The following LRRFIP1 variants were observed in gnomAD, a reference collection of about 807,000 sequenced individuals.
LRRFIP1 encodes LRR binding FLII interacting protein 1, also known as leucine-rich repeat flightless-interacting protein 1.
A neutral mutation model predicts 104.4 loss-of-function variants in LRRFIP1; 62 were observed. The observed-to-expected ratio is 0.59, with a 90% CI of 0.48 to 0.73. The LOEUF is 0.73. LRRFIP1 is among the 30% of genes least tolerant of loss of function. LRRFIP1 has a pLI of 0.00. For synonymous variants in LRRFIP1, 300 were observed against 299.0 expected, an observed-to-expected ratio of 1.00 and a Z score of -0.03; for missense variants, 796 against 824.5, an observed-to-expected ratio of 0.97 and a Z score of 0.42.
chr2:237,749,736 C>T (rs1482414207), intron 13 of LRRFIP1, among the ~76,000 whole-genome samples: 1 of 152,218 alleles, frequency 6.6e-6, no homozygotes, highest in East Asian at 1.9e-4. Context: ...TGTTCCCCTT[C>T]GGCCTAGAAC....
At chr2:237,752,610 C>T (rs1457886451) in intron 14 of LRRFIP1, among the ~76,000 whole-genome samples, 2 of 152,170 alleles carry the variant, frequency 1.3e-5, no homozygotes, top group African/African-American at 4.8e-5. Context: ...TTCTGCCTCT[C>T]TGTTTTGGAA....
intron 11 of LRRFIP1, among the ~76,000 whole-genome samples, chr2:237,747,383 C>T (rs1441207346): frequency 1.3e-5 from 2 of 152,184 alleles, no homozygotes; most frequent in East Asian, 3.8e-4. Flanking sequence ...GGGCATCTGG[C>T]CCAGCGTGGA....
intron 1 of LRRFIP1, among the ~76,000 whole-genome samples, chr2:237,664,505 G>C (rs1389398532): frequency 1.3e-5 from 2 of 152,230 alleles, no homozygotes; most frequent in Non-Finnish European, 2.9e-5. Flanking sequence ...AACAGCTCCA[G>C]GGAGGCGTGA....
intron 1 of LRRFIP1, among the ~76,000 whole-genome samples, chr2:237,678,975 C>T (rs2091489696): frequency 6.6e-6 from 1 of 152,182 alleles, no homozygotes; most frequent in African/African-American, 2.4e-5. Context: ...GATGAGGAAA[C>T]TGAAACACAA....
At chr2:237,710,656 A>G (rs1011716594) in intron 2 of LRRFIP1, among the ~76,000 whole-genome samples, 3 of 152,230 alleles carry the variant, frequency 2.0e-5, no homozygotes, top group Non-Finnish European at 2.9e-5. Context: ...ATTTAAACAT[A>G]TACATATTGA....
intron 23 of LRRFIP1, among the ~76,000 whole-genome samples, chr2:237,777,500 T>A (rs1448169940): frequency 1.3e-5 from 2 of 152,246 alleles, no homozygotes; most frequent in African/African-American, 2.4e-5. Flanking sequence ...GTGGTCATTT[T>A]CCTCAATGAT....
intron 1 of LRRFIP1, among the ~76,000 whole-genome samples, chr2:237,642,763 A>T (rs984785100): frequency 1.3e-5 from 2 of 151,508 alleles, no homozygotes; most frequent in Admixed American, 6.6e-5. Flanking sequence ...TCCCAGGCTA[A>T]GGGTTTCAGT....
rs1045637702 is a variant in LRRFIP1, at chr2:237,703,662, C to A, written c.97-4882C>A. ...GGTTGGGTCAAGTTCTCCAGAGCAG[C>A]CCCCGCCCCTGCCACACGTTTCTTC... On this transcript the variant is annotated intron_variant, in intron 1 of 23. Transcript: ENST00000308482. The surrounding 1 kb of genome is among the most constrained non-coding windows in gnomAD (Gnocchi z 4.3). Among the ~76,000 whole-genome samples the A allele has an allele frequency of 3.3e-5, 5 of 152,040 alleles. No homozygotes were observed. The highest frequency in any genetic ancestry group is 1.2e-4 in the African/African-American group (5 of 41,356).
intron 6 of LRRFIP1, among the ~76,000 whole-genome samples, 177 bp from the exon 7 acceptor site, chr2:237,723,371 A>T (rs935886487): frequency 2.6e-5 from 4 of 152,228 alleles, no homozygotes; most frequent in Non-Finnish European, 2.9e-5. Context: ...TGTGGTAGCT[A>T]CCATTCTGAC....
intron 23 of LRRFIP1, among the ~76,000 whole-genome samples, chr2:237,778,153 T>G (rs956080103): frequency 1.3e-5 from 2 of 152,174 alleles, no homozygotes; most frequent in African/African-American, 4.8e-5. Flanking sequence ...GTCACCTTAG[T>G]GTTTTGTGAG....
At chr2:237,767,618 C>T (rs2060327525) in intron 19 of LRRFIP1, among the ~76,000 whole-genome samples, 1 of 152,018 alleles carries the variant, frequency 6.6e-6, no homozygotes, top group South Asian at 2.1e-4. Context: ...AATGTGTGAC[C>T]CTGATCACTT....
intron 1 of LRRFIP1, among the ~76,000 whole-genome samples, chr2:237,669,093 G>A (rs1302898799): frequency 1.3e-5 from 2 of 152,162 alleles, no homozygotes; most frequent in Non-Finnish European, 2.9e-5. Context: ...CTTTGAGGAT[G>A]CACCATCACG....
chr2:237,747,795 C>G (rs55665444), intron 11 of LRRFIP1, among the ~76,000 whole-genome samples: 1 of 151,988 alleles, frequency 6.6e-6, no homozygotes, highest in Admixed American at 6.5e-5. Flanking sequence ...ACAAACTCAA[C>G]CTTGGTAACC....
At chr2:237,663,699 G>A (rs1005553314) in intron 1 of LRRFIP1, among the ~76,000 whole-genome samples, 4 of 152,264 alleles carry the variant, frequency 2.6e-5, no homozygotes, top group African/African-American at 9.6e-5. Context: ...GGAGGATGGT[G>A]TGATGTTGCG....
At chr2:237,684,260 C>T (rs1252230246) in intron 1 of LRRFIP1, 1 of 150,682 alleles carries the variant, frequency 6.6e-6, no homozygotes, top group South Asian at 2.1e-4. Context: ...TCTCTCGAGG[C>T]CAGGAATTCA....
At chr2:237,749,148 T>TG in intron 12 of LRRFIP1, 51 bp from the exon 13 acceptor site, 1 of 1,578,668 alleles carries the variant, frequency 6.3e-7, no homozygotes, top group Non-Finnish European at 8.6e-7. Flanking sequence ...GAGATTTGGG[T>TG]GGGGACACAG....
At chr2:237,701,274 A>G (rs1181195949) in intron 1 of LRRFIP1, among the ~76,000 whole-genome samples, 1 of 152,220 alleles carries the variant, frequency 6.6e-6, no homozygotes, top group Non-Finnish European at 1.5e-5. Flanking sequence ...AGGAGCCACA[A>G]GAAGGATACA....
At chr2:237,693,737 T>C (rs73096891) in intron 1 of LRRFIP1, among the ~76,000 whole-genome samples, 6,298 of 152,216 alleles carry the variant, frequency 0.041, 351 homozygotes, top group African/African-American at 0.13. Flanking sequence ...GGTGAAGAGC[T>C]GCCTGCTGGA....
chr2:237,635,218 G>T (rs1026363871), intron 1 of LRRFIP1, among the ~76,000 whole-genome samples: 6 of 152,206 alleles, frequency 3.9e-5, no homozygotes, highest in African/African-American at 1.4e-4. Flanking sequence ...CTTTGGTTGT[G>T]TATAGAGTTC....
Sources: gnomAD v4.1 joint callset for allele counts (sites outside exome capture counted in the v4.1 genomes callset) on GRCh38, gnomAD v4.1.1 for gene constraint, Gnocchi (gnomAD v3.1) non-coding constraint, MANE v1.5 for transcripts, NCBI Gene and HGNC (gene_info 2026-07-23, HGNC 2026-07-21) for gene names.